KCNQ1: variants seen among roughly 807,000 people sequenced by gnomAD.
KCNQ1 encodes potassium voltage-gated channel subfamily Q member 1.
KCNQ1 carries 49 observed loss-of-function variants against 72.4 expected under a neutral mutation model. The observed-to-expected ratio is 0.68, with a 90% CI of 0.54 to 0.86. The LOEUF (loss-of-function observed/expected upper bound fraction) is 0.86, where lower values mean the gene tolerates loss of function less well. Among genes scored for constraint, KCNQ1 ranks in the 40% least tolerant of loss-of-function variants. The pLI, the probability that KCNQ1 is intolerant of heterozygous loss-of-function variation, is 0.00. For synonymous variants in KCNQ1, 450 were observed against 412.6 expected (o/e 1.09, Z -1.10); for missense variants, 790 against 945.1 (o/e 0.84, Z 2.15).
intron 1 of KCNQ1, chr11:2,461,928 A>C: frequency 5.0e-6 from 2 of 403,176 alleles, no homozygotes; most frequent in South Asian, 3.7e-5. Context: ...CACTGGGTGC[A>C]GCTGTCTGCT....
At chr11:2,487,591 G>C (rs1469793118) in intron 1 of KCNQ1, among the ~76,000 whole-genome samples, 1 of 151,802 alleles carries the variant, frequency 6.6e-6, no homozygotes, top group African/African-American at 2.4e-5. Context: ...TTACCTCCTT[G>C]GTTAAGTTAA....
intron 6 of KCNQ1, 29 bp from the exon 7 acceptor site, chr11:2,583,406 G>T: frequency 6.6e-7 from 1 of 1,525,866 alleles, no homozygotes; most frequent in South Asian, 1.1e-5. Context: ...AGTCCCATCC[G>T]TGGCTGACCA....
chr11:2,533,910 G>T (rs1485814803), intron 2 of KCNQ1, among the ~76,000 whole-genome samples: 1 of 152,196 alleles, frequency 6.6e-6, no homozygotes, highest in African/African-American at 2.4e-5. Context: ...GAATTGTCCT[G>T]CAATGCCTGT....
chr11:2,464,048 G>A lies in KCNQ1; in HGVS notation c.386+18564G>A, dbSNP rs551326077. 6.6e-6 allele frequency among the ~76,000 whole-genome samples: 1 copy of A among 152,358 alleles called. No homozygotes were observed. The highest frequency in any genetic ancestry group is 1.5e-5 in the Non-Finnish European group (1 of 68,028). On this transcript the variant is annotated intron_variant, in intron 1 of 15. Coordinates refer to ENST00000155840, the MANE Select transcript of KCNQ1 (RefSeq NM_000218.3). The surrounding 1 kb of genome is among the most constrained non-coding windows in gnomAD (Gnocchi z 5.0). ...ACTGTGGAAAATGGACACTGATGCT[G>A]CCCGGTGGATCCAGGCAGGGCCGGG... is the stretch of plus-strand genomic sequence containing the variant.
chr11:2,733,814 A>ACACACACACACACACTCTCTCTCT, intron 11 of KCNQ1, among the ~76,000 whole-genome samples: 8 of 86,656 alleles, frequency 9.2e-5, no homozygotes, highest in Non-Finnish European at 9.5e-5. Context: ...ACACACACAC[A>ACACACACACACACACTCTCTCTCT]CTCTCTCACT....
At chr11:2,709,672 G>A (rs936179523) in intron 11 of KCNQ1, among the ~76,000 whole-genome samples, 4 of 152,004 alleles carry the variant, frequency 2.6e-5, no homozygotes, top group African/African-American at 7.3e-5. Flanking sequence ...AGTCAGCCAC[G>A]GCTCTGCTTT....
chr11:2,806,870 A>G (rs1231967708), intron 15 of KCNQ1, among the ~76,000 whole-genome samples: 1 of 151,988 alleles, frequency 6.6e-6, no homozygotes, highest in Non-Finnish European at 1.5e-5. Flanking sequence ...GTGACACACA[A>G]AGGCCTCTGC....
chr11:2,846,041 C>A (rs978114940), intron 15 of KCNQ1, among the ~76,000 whole-genome samples: 2 of 152,204 alleles, frequency 1.3e-5, no homozygotes, highest in Non-Finnish European at 2.9e-5. Flanking sequence ...CGTCACCCAG[C>A]AGCATCTTCC....
At chr11:2,702,777 T>C (rs1277468079) in intron 11 of KCNQ1, among the ~76,000 whole-genome samples, 1 of 152,060 alleles carries the variant, frequency 6.6e-6, no homozygotes, top group Non-Finnish European at 1.5e-5. Context: ...CTCTTAGCAG[T>C]GGGGTTGCCA....
At position 2,483,469 on chromosome 11, in the gene KCNQ1, C is replaced by G. The variant is rs1846686436; in HGVS notation, c.386+37985C>G. ...CTCAACTGCAGATCTGATTCAAATC[C>G]CGCGTTTTTCTAGCATCCGGTTTCT... On this transcript the variant is annotated intron_variant, in intron 1 of 15. Coordinates refer to ENST00000155840, the MANE Select transcript of KCNQ1 (RefSeq NM_000218.3). The surrounding 1 kb of genome is among the most constrained non-coding windows in gnomAD (Gnocchi z 6.1). Among the ~76,000 whole-genome samples the G allele has an allele frequency of 6.6e-6, 1 of 151,986 alleles. No individual in the cohort carries two copies. Among genetic ancestry groups the G allele is most frequent in the South Asian group, 2.1e-4 (1 of 4,814 alleles).
chr11:2,484,511 A>C lies in KCNQ1; in HGVS notation c.386+39027A>C, dbSNP rs1355828212. On this transcript the variant is annotated intron_variant, in intron 1 of 15. Transcript: ENST00000155840. The surrounding 1 kb of genome is among the most constrained non-coding windows in gnomAD (Gnocchi z 5.2). ...CAAATTGTGCTGGCTTTTGCCCCAG[A>C]AACAACCTTCCATTCAGCTTCCATG... Among the ~76,000 whole-genome samples, 1 of 152,168 alleles carries C rather than the reference A, an allele frequency of 6.6e-6. No homozygotes were observed. Among genetic ancestry groups the C allele is most frequent in the African/African-American group, 2.4e-5 (1 of 41,438 alleles).
chr11:2,582,826 A>G (rs186285753), intron 6 of KCNQ1, among the ~76,000 whole-genome samples: 236 of 152,200 alleles, frequency 1.6e-3, no homozygotes, highest in African/African-American at 5.4e-3. Context: ...AATCCCCAGG[A>G]AGCAAACCTC....
intron 11 of KCNQ1, among the ~76,000 whole-genome samples, chr11:2,729,787 T>C (rs996181739): frequency 1.3e-5 from 2 of 152,136 alleles, no homozygotes; most frequent in Non-Finnish European, 2.9e-5. Context: ...CCATGGGTGC[T>C]GAGGGACAGC....
At chr11:2,675,203 G>A in intron 11 of KCNQ1, 1 of 398,572 alleles carries the variant, frequency 2.5e-6, no homozygotes, top group Non-Finnish European at 4.4e-6. Context: ...TCAATATTGT[G>A]TCATTTCCCC....
chr11:2,810,534 C>T (rs1442488067), intron 15 of KCNQ1, among the ~76,000 whole-genome samples: 1 of 152,220 alleles, frequency 6.6e-6, no homozygotes, highest in Admixed American at 6.5e-5. Flanking sequence ...TATCCCAGAG[C>T]ACACGCTTGC....
At position 2,547,289 on chromosome 11, in the gene KCNQ1, G is replaced by A. The variant is rs1847913162; in HGVS notation, c.477+19271G>A. On this transcript the variant is annotated intron_variant, in intron 2 of 15. Transcript: ENST00000155840. This position sits in a 1 kb window ranked among gnomAD's most constrained non-coding sequence, Gnocchi z 4.2. ...CTGTTGCCCAGGCTAGAGTGCAGTG[G>A]CATGATCTCAGCTCACTGAAACCCC... Among the ~76,000 whole-genome samples, 1 of 152,128 alleles carries A rather than the reference G, an allele frequency of 6.6e-6. No individual in the cohort carries two copies. Among genetic ancestry groups the A allele is most frequent in the African/African-American group, 2.4e-5 (1 of 41,422 alleles).
At chr11:2,506,552 T>G (rs1220266184) in intron 1 of KCNQ1, among the ~76,000 whole-genome samples, 3 of 152,250 alleles carry the variant, frequency 2.0e-5, no homozygotes, top group Admixed American at 2.0e-4. Context: ...GAAACAATGT[T>G]GCAAAGAATA....
chr11:2,531,194 G>A (rs1417124259), intron 2 of KCNQ1, among the ~76,000 whole-genome samples: 2 of 142,154 alleles, frequency 1.4e-5, no homozygotes, highest in South Asian at 2.3e-4. Context: ...CCACATGCCC[G>A]TCTGCAGCTC....
At chr11:2,480,489 C>T (rs762686757) in intron 1 of KCNQ1, among the ~76,000 whole-genome samples, 4 of 152,214 alleles carry the variant, frequency 2.6e-5, no homozygotes, top group Non-Finnish European at 4.4e-5. Context: ...ACCATCAGAT[C>T]TCATGAGACT....
Sources: allele counts gnomAD v4.1 joint callset (sites outside exome capture counted in the v4.1 genomes callset), GRCh38; gene constraint gnomAD v4.1.1; non-coding constraint Gnocchi (gnomAD v3.1); transcripts MANE v1.5; gene names NCBI Gene and HGNC (gene_info 2026-07-23, HGNC 2026-07-21).